Variants in PDGFC observed in about 807,000 individuals in gnomAD.
PDGFC encodes platelet derived growth factor C.
PDGFC carries 12 observed loss-of-function variants against 35.5 expected under a neutral mutation model. The observed-to-expected ratio is 0.34, with a 90% CI of 0.22 to 0.55. The LOEUF (loss-of-function observed/expected upper bound fraction) is 0.55, where lower values mean the gene tolerates loss of function less well. Among genes scored for constraint, PDGFC ranks in the 20% least tolerant of loss-of-function variants. The pLI, the probability that PDGFC is intolerant of heterozygous loss-of-function variation, is 0.91. For synonymous variants in PDGFC, 159 were observed against 148.8 expected (o/e 1.07, Z -0.50); for missense variants, 322 against 412.4 (o/e 0.78, Z 1.90).
intron 1 of PDGFC, among the ~76,000 whole-genome samples, chr4:156,938,849 A>G (rs1390307161): frequency 2.0e-5 from 3 of 151,596 alleles, no homozygotes; most frequent in Non-Finnish European, 4.4e-5. Flanking sequence ...GTAAACTATT[A>G]TTAATATAAA....
intron 3 of PDGFC, among the ~76,000 whole-genome samples, chr4:156,804,349 G>A (rs1043078616): frequency 3.3e-5 from 5 of 151,938 alleles, no homozygotes; most frequent in South Asian, 2.1e-4. Flanking sequence ...TATCACCCCA[G>A]ACCAAGAAAA....
chr4:156,769,368 C>T (rs1322869236), intron 4 of PDGFC, among the ~76,000 whole-genome samples: 2 of 151,638 alleles, frequency 1.3e-5, no homozygotes, highest in African/African-American at 2.4e-5. Flanking sequence ...GTTTTTAATA[C>T]TTATATTGTC....
Position 156,847,185 on chromosome 4 carries a change from A to G in PDGFC, c.314+3036T>C, listed in dbSNP as rs1729347159. ...GTGTGGGCTAGAATTAGCTACATAC[A>G]TCCAAATAATAGAATATGAAAGAAA... On this transcript the variant is annotated intron_variant, in intron 2 of 5. Transcript: ENST00000502773. 5.3e-5 allele frequency among the ~76,000 whole-genome samples: 8 copies of G among 151,902 alleles called. No homozygotes were observed. In the South Asian group the frequency reaches 1.7e-3, roughly 31 times the overall value.
chr4:156,815,554 A>C (rs1440534395), intron 2 of PDGFC, among the ~76,000 whole-genome samples: 4 of 152,182 alleles, frequency 2.6e-5, no homozygotes, highest in Non-Finnish European at 5.9e-5. Flanking sequence ...ATATATGCTA[A>C]CATAGCCCAA....
chr4:156,811,181 T>G (rs556501603), intron 2 of PDGFC, among the ~76,000 whole-genome samples, 164 bp from the exon 3 acceptor site: 1 of 152,162 alleles, frequency 6.6e-6, no homozygotes, highest in East Asian at 1.9e-4. Flanking sequence ...GAGACACAAC[T>G]GAAAATGAGG....
chr4:156,925,674 A>T (rs1457402709), intron 1 of PDGFC, among the ~76,000 whole-genome samples: 2 of 151,790 alleles, frequency 1.3e-5, no homozygotes, highest in Non-Finnish European at 2.9e-5. Flanking sequence ...ATACATGGAG[A>T]TCATCTACAT....
At chr4:156,868,283 A>G (rs866441619) in intron 1 of PDGFC, among the ~76,000 whole-genome samples, 1 of 152,224 alleles carries the variant, frequency 6.6e-6, no homozygotes, top group African/African-American at 2.4e-5. Flanking sequence ...GAAACTTCAA[A>G]TGAAATATTT....
At chr4:156,850,979 C>G (rs1225176130) in intron 1 of PDGFC, among the ~76,000 whole-genome samples, 1 of 152,070 alleles carries the variant, frequency 6.6e-6, no homozygotes, top group Admixed American at 6.5e-5. Context: ...CTGTTTTCAG[C>G]TTTTCTCACT....
At chr4:156,909,917 A>C (rs2110800280) in intron 1 of PDGFC, among the ~76,000 whole-genome samples, 1 of 152,266 alleles carries the variant, frequency 6.6e-6, no homozygotes, top group South Asian at 2.1e-4. Context: ...AGGAGAGGGA[A>C]ATTTGACAAC....
intron 3 of PDGFC, among the ~76,000 whole-genome samples, chr4:156,808,310 T>C (rs542320901): frequency 2.0e-5 from 3 of 152,210 alleles, no homozygotes; most frequent in African/African-American, 7.2e-5. Flanking sequence ...AAGTTAATTG[T>C]CTACTATAAA....
intron 3 of PDGFC, among the ~76,000 whole-genome samples, chr4:156,775,189 C>A (rs115562578): frequency 6.6e-6 from 1 of 151,916 alleles, no homozygotes; most frequent in Non-Finnish European, 1.5e-5. Flanking sequence ...GATCTAAAAA[C>A]GGTTTTAATT....
chr4:156,898,579 A>G (rs771399207), intron 1 of PDGFC, among the ~76,000 whole-genome samples: 9 of 152,116 alleles, frequency 5.9e-5, no homozygotes. Flanking sequence ...AGGAAGAGGC[A>G]TTTGTCCTCT....
chr4:156,883,347 G>T (rs1189641806), intron 1 of PDGFC, among the ~76,000 whole-genome samples: 1 of 152,034 alleles, frequency 6.6e-6, no homozygotes, highest in Non-Finnish European at 1.5e-5. Context: ...AAAGTCATTG[G>T]ATTAAAGTCA....
intron 2 of PDGFC, among the ~76,000 whole-genome samples, chr4:156,824,327 T>TATATATATATATATATAC (rs1491500876): frequency 1.5e-4 from 15 of 102,800 alleles, no homozygotes; most frequent in Non-Finnish European, 2.8e-4. Flanking sequence ...TATATATATA[T>TATATATATATATATATAC]ACACACACAC....
At chr4:156,904,023 C>A (rs114981204) in intron 1 of PDGFC, among the ~76,000 whole-genome samples, 2,486 of 152,120 alleles carry the variant, frequency 0.016, 73 homozygotes, top group African/African-American at 0.057. Flanking sequence ...AATTTAAAAC[C>A]ACCACAAAAA....
intron 2 of PDGFC, chr4:156,842,347 A>G (rs1479514930): frequency 2.0e-5 from 3 of 151,768 alleles, no homozygotes; most frequent in South Asian, 2.1e-4. Context: ...ATAGAGCAAC[A>G]TGCTTTCTAT....
chr4:156,763,223 G>A lies in PDGFC; in HGVS notation c.922-17C>T, dbSNP rs139704958. The stretch of plus-strand genomic sequence containing the variant: ...CTGAAGGACCTGAAAGGGAATAAGA[G>A]TAAGCCACTTTTAAAAATCAACGAA... On this transcript the variant is annotated splice_polypyrimidine_tract_variant and intron_variant, in intron 5 of 5. Transcript: ENST00000502773. 1,157 of 1,281,248 alleles carry A rather than the reference G, an allele frequency of 9.0e-4. 13 individuals carry two copies. In the African/African-American group the frequency reaches 0.014, roughly 15 times the overall value. 79.4% of individuals were successfully genotyped at this position (1,281,248 alleles called of 1,614,324 possible). A position where few individuals can be genotyped will look rare whatever the true frequency, so the allele number is the denominator to read the frequency against.
intron 3 of PDGFC, among the ~76,000 whole-genome samples, chr4:156,792,405 C>T (rs757405949): frequency 1.3e-5 from 2 of 149,226 alleles, no homozygotes; most frequent in East Asian, 1.9e-4. Context: ...GTAAAAGTCA[C>T]ATTCCACAAA....
rs1242849892 is a variant in PDGFC, at chr4:156,767,797, G to T, written c.897C>A (p.Ser299Arg). 2.5e-6 allele frequency: 4 copies of T among 1,612,134 alleles called. No individual in the cohort carries two copies. The African/African-American group carries it at 4.0e-5, about 16-fold the overall frequency. The change falls in exon 5 of 6, where the codon AGC becomes AGA. Residue 299 changes from serine to arginine, a missense_variant. This residue lies in a region of PDGFC where 202 missense variants were observed against 295.9 expected (regional missense o/e 0.68). Coordinates refer to ENST00000502773, the MANE Select transcript of PDGFC (RefSeq NM_016205.3). ...HNCNECQCVP[S>R]KVTKKYHEVL... ...CCTCGTGGTATTTTTTAGTAACTTT[G>T]CTTGGGACACATTGACATTCATTGC...
Sources: allele counts gnomAD v4.1 joint callset (sites outside exome capture counted in the v4.1 genomes callset), GRCh38; gene constraint gnomAD v4.1.1; regional missense constraint gnomAD v4.1.1; transcripts MANE v1.5; gene names NCBI Gene and HGNC (gene_info 2026-07-23, HGNC 2026-07-21).